The following DOP1B variants were observed in gnomAD, a reference collection of about 807,000 sequenced individuals.
DOP1B encodes the protein DOP1 leucine zipper like protein B, also known as protein DOP1B.
A neutral mutation model predicts 233.5 loss-of-function variants in DOP1B; 174 were observed. That is an observed-to-expected ratio of 0.75 (90% CI 0.66 to 0.85). DOP1B has a LOEUF of 0.85. DOP1B is among the 40% of genes least tolerant of loss of function. The pLI, the probability that DOP1B is intolerant of heterozygous loss-of-function variation, is 0.00. For missense variants in DOP1B, 2,652 were observed against 2,846.6 expected (o/e 0.93, Z 1.56); for synonymous variants, 1,190 against 1,185.6 (o/e 1.00, Z -0.08).
At chr21:36,215,409 G>C (rs1334431811) in intron 9 of DOP1B, among the ~76,000 whole-genome samples, 1 of 151,968 alleles carries the variant, frequency 6.6e-6, no homozygotes, top group Non-Finnish European at 1.5e-5. Context: ...ATGAATGAAC[G>C]AATGAATGAA....
chr21:36,245,146 C>G lies in DOP1B; in HGVS notation c.3166C>G (p.Leu1056Val). Residue 1056 changes from leucine (L) to valine (V), a missense_variant, in exon 19 of 37, where the codon CTG (leucine) becomes GTG (valine). Coordinates refer to ENST00000691173, the MANE Select transcript of DOP1B (RefSeq NM_001320714.2). The surrounding 1 kb of genome is among the most constrained non-coding windows in gnomAD (Gnocchi z 5.5). ...GAGCGGCTCTGAAGAGCACCTGCCT[C>G]TGAGCCAGTTCACCACAGTGGACCG... ...QESGSEEHLP[L>V]SQFTTVDREA... is the part of the protein sequence containing the mutation. 1 of 1,614,080 alleles carries G rather than the reference C, an allele frequency of 6.2e-7. No individual in the cohort carries two copies. Among genetic ancestry groups the G allele is most frequent in the Non-Finnish European group, 8.5e-7 (1 of 1,180,036 alleles).
At chr21:36,233,978 C>T (rs760606361) in intron 15 of DOP1B, among the ~76,000 whole-genome samples, 1 of 152,062 alleles carries the variant, frequency 6.6e-6, no homozygotes, top group East Asian at 1.9e-4. Context: ...CTCAGCCTCC[C>T]GAGTAGCTGG....
chr21:36,248,371 A>C lies in DOP1B; in HGVS notation c.4810-9A>C. 6.2e-7 allele frequency: 1 copy of C among 1,612,258 alleles called. No individual in the cohort carries two copies. Among genetic ancestry groups the C allele is most frequent in the Non-Finnish European group, 8.5e-7 (1 of 1,179,302 alleles). On this transcript the variant is annotated splice_polypyrimidine_tract_variant and intron_variant, in intron 20 of 36. Transcript: ENST00000691173. ...ACAGCCTGCCTCATGTATTCATTTT[A>C]ATTTTTAGACCATGGCTGCAGGTGA...
Position 36,231,123 on chromosome 21 carries a change from TC to T in DOP1B, c.2341del (p.Gln781SerfsTer14). 6.3e-7 allele frequency: 1 copy of T among 1,581,488 alleles called. No homozygotes were observed. Among genetic ancestry groups the T allele is most frequent in the Non-Finnish European group, 8.6e-7 (1 of 1,160,018 alleles). On this transcript the variant is annotated frameshift_variant, in exon 14 of 37. Coordinates refer to ENST00000691173, the MANE Select transcript of DOP1B (RefSeq NM_001320714.2). LOFTEE classifies it high-confidence loss of function. Reference protein sequence around the residue: ...EETEQLCATLFQLPGAGDSSF... With the variant: ...EETEQLCATLXQLPGAGDSSF... Reference sequence around the variant, plus strand: ...ACCGAGCAGCTCTGTGCAACGCTCTTCCAGCTGCCAGGTGAGAGGCAGCCCT... The same window carrying T: ...ACCGAGCAGCTCTGTGCAACGCTCTTCAGCTGCCAGGTGAGAGGCAGCCCT...
chr21:36,208,682 G>A (rs781538980), intron 4 of DOP1B, 33 bp from the exon 5 acceptor site: 31 of 1,597,618 alleles, frequency 1.9e-5, no homozygotes, highest in Non-Finnish European at 2.4e-5. Flanking sequence ...AAGATGGGGC[G>A]AGCCCTTGAA....
chr21:36,276,991 T>C, intron 27 of DOP1B, 30 bp from the exon 28 acceptor site: 30 of 1,612,298 alleles, frequency 1.9e-5, no homozygotes, highest in Non-Finnish European at 2.5e-5. Context: ...CCATCATAGT[T>C]AACATACAAA....
chr21:36,237,618 G>A (rs1167593835), intron 16 of DOP1B, among the ~76,000 whole-genome samples: 1 of 152,260 alleles, frequency 6.6e-6, no homozygotes, highest in African/African-American at 2.4e-5. Context: ...CCCTGGAAAT[G>A]TGGTTTGTGA....
intron 28 of DOP1B, among the ~76,000 whole-genome samples, chr21:36,277,540 C>G (rs1399375949): frequency 6.6e-6 from 1 of 152,150 alleles, no homozygotes; most frequent in African/African-American, 2.4e-5. Context: ...CTTGGCCTCC[C>G]AAAGAGCTGG....
intron 9 of DOP1B, among the ~76,000 whole-genome samples, chr21:36,217,984 C>G (rs956043164): frequency 6.6e-6 from 1 of 152,144 alleles, no homozygotes; most frequent in African/African-American, 2.4e-5. Context: ...ATGAATATCA[C>G]GCTCCTGCCC....
In DOP1B at chr21:36,247,573, G is replaced by A; in HGVS notation, c.4754G>A (p.Gly1585Asp). Residue 1585 changes from glycine (G) to aspartate (D), a missense_variant, in exon 20 of 37, where the codon GGT becomes GAT. Physicochemically the swap from Gly to Asp is moderately conservative, Grantham distance 94. Transcript: ENST00000691173. ...SPDYPLTLLE[G>D]LTTISHFCLL... is the part of the protein sequence containing the mutation. Reference sequence around the variant, plus strand: ...GATTATCCACTCACCCTTCTAGAAGGTCTAACGACCATTAGTCATTTTTGT... The same window carrying A: ...GATTATCCACTCACCCTTCTAGAAGATCTAACGACCATTAGTCATTTTTGT... 1.2e-6 allele frequency: 2 copies of A among 1,611,058 alleles called. No homozygotes were observed. Among genetic ancestry groups the A allele is most frequent in the East Asian group, 4.5e-5 (2 of 44,744 alleles).
chr21:36,267,122 A>T (rs547284751), intron 26 of DOP1B, among the ~76,000 whole-genome samples: 1 of 152,342 alleles, frequency 6.6e-6, no homozygotes, highest in East Asian at 1.9e-4. Context: ...CAAGGATTAT[A>T]GCCACTCGTA....
Position 36,169,179 on chromosome 21 carries a change from C to G in DOP1B, c.138+4308C>G, listed in dbSNP as rs564897319. ...CGCTTCTTGGTTCCCACCACACAGC[C>G]TTTCAGCATAACAGAGTTATTGGTC... is the stretch of plus-strand genomic sequence containing the variant. On this transcript the variant is annotated intron_variant, in intron 2 of 36. Transcript: ENST00000691173. 8.8e-5 allele frequency: 91 copies of G among 1,035,292 alleles called. 1 individual carries two copies. In the South Asian group the frequency reaches 1.1e-3, roughly 13 times the overall value. The allele number at this position is 1,035,292 out of a possible 1,614,324, so 64.1% of individuals were successfully genotyped here. A position where few individuals can be genotyped will look rare whatever the true frequency, so the allele number is the denominator to read the frequency against.
chr21:36,160,949 A>T (rs2065863636), intron 1 of DOP1B, among the ~76,000 whole-genome samples: 1 of 152,192 alleles, frequency 6.6e-6, no homozygotes, highest in Non-Finnish European at 1.5e-5. Flanking sequence ...CGGTGTGGCG[A>T]TGGAGAGCAA....
At chr21:36,283,246 A>C (rs1230810229) in intron 32 of DOP1B, among the ~76,000 whole-genome samples, 1 of 151,776 alleles carries the variant, frequency 6.6e-6, no homozygotes, top group African/African-American at 2.4e-5. Context: ...ATGTCCGGCT[A>C]ATTTTTGAAT....
chr21:36,281,432 C>T (rs2067414370), intron 31 of DOP1B, 51 bp from the exon 32 acceptor site: 1 of 1,520,726 alleles, frequency 6.6e-7, no homozygotes, highest in Admixed American at 1.9e-5. Flanking sequence ...CCATCACTTC[C>T]CTCCAATTGT....
At chr21:36,178,502 T>C (rs1394083232) in intron 2 of DOP1B, among the ~76,000 whole-genome samples, 1 of 150,200 alleles carries the variant, frequency 6.7e-6, no homozygotes, top group Non-Finnish European at 1.5e-5. Context: ...GAGGACACAG[T>C]GAGGAGATGG....
At chr21:36,161,150 T>G (rs2065865749) in intron 1 of DOP1B, among the ~76,000 whole-genome samples, 1 of 151,916 alleles carries the variant, frequency 6.6e-6, no homozygotes, top group South Asian at 2.1e-4. Flanking sequence ...GTGTGTGTGT[T>G]TTGTTTTTTG....
chr21:36,200,289 G>A lies in DOP1B; in HGVS notation c.321-42G>A, dbSNP rs369245496. ...CTTGTCACCTGGGACTTCTGACTGG[G>A]TATCTTATTTCTGCCCCGCTCCCTC... On this transcript the variant is annotated intron_variant, in intron 3 of 36. Coordinates refer to ENST00000691173, the MANE Select transcript of DOP1B (RefSeq NM_001320714.2). 127 of 1,523,132 alleles carry A rather than the reference G, an allele frequency of 8.3e-5. No individual in the cohort carries two copies. The Middle Eastern group carries it at 1.1e-3, about 13-fold the overall frequency. The allele number at this position is 1,523,132 out of a possible 1,614,324, so 94.4% of individuals were successfully genotyped here. A position where few individuals can be genotyped will look rare whatever the true frequency, so the allele number is the denominator to read the frequency against.
intron 6 of DOP1B, 143 bp from the exon 7 acceptor site, chr21:36,211,830 TA>T (rs2066501648): frequency 5.2e-6 from 7 of 1,355,622 alleles, no homozygotes; most frequent in Non-Finnish European, 7.2e-6. Context: ...ACGTATTGAA[TA>T]GCTTCTTTCC....
Sources: gnomAD v4.1 joint callset for allele counts (sites outside exome capture counted in the v4.1 genomes callset) on GRCh38, gnomAD v4.1.1 for gene constraint, Gnocchi (gnomAD v3.1) non-coding constraint, MANE v1.5 for transcripts, NCBI Gene and HGNC (gene_info 2026-07-23, HGNC 2026-07-21) for gene names.